The following PMP22 variants were observed in gnomAD, a reference collection of about 807,000 sequenced individuals.
The protein encoded by PMP22 is peripheral myelin protein 22, also known as Charcot-Marie-Tooth neuropathy 1A (greatly reduced nerve conduction velocity, hereditary motor sensory neuropathy Ia).
PMP22 carries 2 observed loss-of-function variants against 18.9 expected under a neutral mutation model. The observed-to-expected ratio is 0.11, with a 90% CI of 0.04 to 0.33. The LOEUF is 0.33. Among genes scored for constraint, PMP22 ranks in the 10% least tolerant of loss-of-function variants. The pLI, the probability that PMP22 is intolerant of heterozygous loss-of-function variation, is 1.00. For missense variants in PMP22, 169 were observed against 202.2 expected (o/e 0.84, Z 1.00); for synonymous variants, 95 against 89.2 (o/e 1.07, Z -0.37).
intron 3 of PMP22, among the ~76,000 whole-genome samples, chr17:15,254,803 C>CA (rs1182997514): frequency 2.0e-5 from 3 of 152,054 alleles, no homozygotes; most frequent in African/African-American, 7.2e-5. Flanking sequence ...ACTAAAAATA[C>CA]AAAAAATTAG....
Position 15,259,154 on chromosome 17 carries a change from GC to G in PMP22, c.117del (p.Trp39CysfsTer31), listed in dbSNP as rs1482355069. On this transcript the variant is annotated frameshift_variant, in exon 3 of 5. Transcript: ENST00000312280. LOFTEE classifies it high-confidence loss of function. The part of the protein sequence containing the change: ...IVGNGHATDL[W>X]QNCSTSSSGN... ...CCTGAGGAAGAGGTGCTACAGTTCT[GC>G]CAGAGATCAGTTGCGTGTCCATTGC... is the stretch of plus-strand genomic sequence containing the variant. 6.2e-7 allele frequency: 1 copy of G among 1,613,788 alleles called. No individual in the cohort carries two copies. The highest frequency in any genetic ancestry group is 8.5e-7 in the Non-Finnish European group (1 of 1,179,818).
intron 3 of PMP22, among the ~76,000 whole-genome samples, chr17:15,251,899 C>T (rs1417710031): frequency 6.6e-6 from 1 of 151,996 alleles, no homozygotes; most frequent in Non-Finnish European, 1.5e-5. Flanking sequence ...ACAGTTCAGA[C>T]ACAGGTTCAA....
At chr17:15,245,874 G>A (rs1281748699) in intron 3 of PMP22, among the ~76,000 whole-genome samples, 1 of 151,996 alleles carries the variant, frequency 6.6e-6, no homozygotes, top group Admixed American at 6.5e-5. Flanking sequence ...TTAGCCGGGC[G>A]TGGTGGCGGG....
rs1164852692 is a variant in PMP22, at chr17:15,259,085, C to G, written c.178+9G>C. On this transcript the variant is annotated intron_variant, in intron 3 of 4. Transcript: ENST00000312280. ...AGGACAAGCTCATGGAGCACAAAACCAGCCTCACCGTTTGGTGATGATGAG... is the reference window on the plus strand; with the variant it reads ...AGGACAAGCTCATGGAGCACAAAACGAGCCTCACCGTTTGGTGATGATGAG... 1.2e-6 allele frequency: 2 copies of G among 1,600,980 alleles called. No homozygotes were observed. The highest frequency in any genetic ancestry group is 2.2e-5 in the East Asian group (1 of 44,830).
intron 1 of PMP22, among the ~76,000 whole-genome samples, chr17:15,263,327 G>T (rs1909486052): frequency 6.6e-6 from 1 of 152,180 alleles, no homozygotes; most frequent in Admixed American, 6.5e-5. Flanking sequence ...CTGGCCATGG[G>T]GTTTGGCGGG....
intron 3 of PMP22, among the ~76,000 whole-genome samples, chr17:15,257,312 G>A (rs1019146019): frequency 5.9e-5 from 9 of 152,188 alleles, no homozygotes; most frequent in Admixed American, 3.9e-4. Flanking sequence ...TTTCTTTCCT[G>A]CAGATGGTTT....
rs919218318 is a variant in PMP22, at chr17:15,230,768, C to A, written c.*149G>T. 2.6e-6 allele frequency: 2 copies of A among 757,668 alleles called. No homozygotes were observed. The highest frequency in any genetic ancestry group is 4.5e-6 in the Non-Finnish European group (2 of 443,312). 46.9% of individuals were successfully genotyped at this position (757,668 alleles called of 1,614,324 possible). On this transcript the variant is annotated 3_prime_UTR_variant, in exon 5 of 5. Coordinates refer to ENST00000312280, the MANE Select transcript of PMP22 (RefSeq NM_000304.4). ...CGGAGATATTATATACATCTTCAATCAACAGCAACCCCCACCTCCACTGCT... is the reference window on the plus strand; with the variant it reads ...CGGAGATATTATATACATCTTCAATAAACAGCAACCCCCACCTCCACTGCT...
Position 15,259,149 on chromosome 17 carries a change from G to A in PMP22, c.123C>T (p.Asn41=). The A allele has an allele frequency of 6.2e-7, 1 of 1,614,076 alleles. No homozygotes were observed. Among genetic ancestry groups the A allele is most frequent in the Non-Finnish European group, 8.5e-7 (1 of 1,179,912 alleles). ...GNGHATDLWQ[N]CSTSSSGNVH... ...CATTTCCTGAGGAAGAGGTGCTACA[G>A]TTCTGCCAGAGATCAGTTGCGTGTC... Residue 41 remains asparagine (N), a synonymous_variant, in exon 3 of 5, where the codon AAC becomes AAT. Transcript: ENST00000312280.
chr17:15,263,186 G>A (rs1909478059), intron 1 of PMP22, among the ~76,000 whole-genome samples: 1 of 152,192 alleles, frequency 6.6e-6, no homozygotes, highest in Non-Finnish European at 1.5e-5. Flanking sequence ...GAAAAGTCCG[G>A]CCGACTACTG....
chr17:15,229,877 T>C lies in PMP22; in HGVS notation c.*1040A>G, dbSNP rs917428643. On this transcript the variant is annotated 3_prime_UTR_variant, in exon 5 of 5. Coordinates refer to ENST00000312280, the MANE Select transcript of PMP22 (RefSeq NM_000304.4). ...AAACAAAAGGTCTGGAGTCTTAGCA[T>C]CAGAAGGGCACCATATATACATCTA... 2.6e-5 allele frequency: 4 copies of C among 152,666 alleles called. No individual in the cohort carries two copies. The highest frequency in any genetic ancestry group is 5.9e-5 in the Non-Finnish European group (4 of 68,070). 9.5% of individuals were successfully genotyped at this position (152,666 alleles called of 1,614,324 possible).
In PMP22 at chr17:15,230,367, G is replaced by C. The variant is rs775055426; in HGVS notation, c.*550C>G. 6.8e-6 allele frequency: 1 copy of C among 147,432 alleles called. No individual in the cohort carries two copies. The highest frequency in any genetic ancestry group is 2.0e-4 in the East Asian group (1 of 5,068). The allele number at this position is 147,432 out of a possible 1,614,324, so 9.1% of individuals were successfully genotyped here. A position where few individuals can be genotyped will look rare whatever the true frequency, so the allele number is the denominator to read the frequency against. The stretch of plus-strand genomic sequence containing the variant: ...GGGCTCCAGTTTGGGCATTTTGTCC[G>C]TGTGCGCGTAAAGCTTCACACAGAG... On this transcript the variant is annotated 3_prime_UTR_variant, in exon 5 of 5. Transcript: ENST00000312280.
chr17:15,239,903 C>T (rs918225164), intron 3 of PMP22, among the ~76,000 whole-genome samples: 4 of 152,082 alleles, frequency 2.6e-5, no homozygotes, highest in Non-Finnish European at 5.9e-5. Context: ...ACATTACATA[C>T]ATATATACCT....
At chr17:15,260,314 ACTC>A in intron 2 of PMP22, 2 of 354,146 alleles carry the variant, frequency 5.6e-6, no homozygotes, top group South Asian at 3.0e-5. Context: ...AATCATAAAT[ACTC>A]CTCTTCTTCA....
rs546628793 is a variant in PMP22, at chr17:15,250,094, A to G, written c.178+9000T>C. On this transcript the variant is annotated intron_variant, in intron 3 of 4. Coordinates refer to ENST00000312280, the MANE Select transcript of PMP22 (RefSeq NM_000304.4). Reference sequence around the variant, plus strand: ...CCACGCCCGGCTAATTTTGTTTTGTATTTTTAGTAGAGACAGGGTTTCACC... The same window carrying G: ...CCACGCCCGGCTAATTTTGTTTTGTGTTTTTAGTAGAGACAGGGTTTCACC... 2.6e-5 allele frequency among the ~76,000 whole-genome samples: 4 copies of G among 152,130 alleles called. No individual in the cohort carries two copies. The East Asian group carries it at 5.8e-4, about 22-fold the overall frequency.
rs1213551466 is a variant in PMP22 at position 15,229,953 on chromosome 17, A to G, written c.*964T>C. ...GCCAGACAGTCCTTGGAGGCACAGA[A>G]CAGCCTAGACCCAGCCAAGCTCTAG... is the stretch of plus-strand genomic sequence containing the variant. On this transcript the variant is annotated 3_prime_UTR_variant, in exon 5 of 5. Transcript: ENST00000312280. 6.5e-6 allele frequency: 1 copy of G among 152,684 alleles called. No homozygotes were observed. The highest frequency in any genetic ancestry group is 1.5e-5 in the Non-Finnish European group (1 of 68,084). The allele number at this position is 152,684 out of a possible 1,614,324, so 9.5% of individuals were successfully genotyped here. A position where few individuals can be genotyped will look rare whatever the true frequency, so the allele number is the denominator to read the frequency against.
In PMP22 at chr17:15,231,058, C is replaced by T. The variant is rs201871607; in HGVS notation, c.342G>A (p.Ala114=). 52 of 1,613,646 alleles carry T rather than the reference C, an allele frequency of 3.2e-5. No homozygotes were observed. The Middle Eastern group carries it at 5.0e-4, about 16-fold the overall frequency. The part of the protein sequence containing the change: ...ILAGLCVMSA[A]AIYTVRHPEW... ...CCGGGTGCCTCACCGTGTAGATGGC[C>T]GCAGCACTCATCACGCACAGACCTG... is the stretch of plus-strand genomic sequence containing the variant. The change falls in exon 5 of 5, where the codon GCG becomes GCA. Residue 114 remains alanine (A), a synonymous_variant. Coordinates refer to ENST00000312280, the MANE Select transcript of PMP22 (RefSeq NM_000304.4).
chr17:15,239,956 A>G (rs937162844), intron 3 of PMP22, among the ~76,000 whole-genome samples: 5 of 152,240 alleles, frequency 3.3e-5, no homozygotes, highest in African/African-American at 1.2e-4. Context: ...GTTTCTATAT[A>G]TATGTGTATA....
intron 3 of PMP22, among the ~76,000 whole-genome samples, chr17:15,240,440 C>T (rs1907226884): frequency 7.5e-6 from 1 of 132,550 alleles, no homozygotes; most frequent in South Asian, 2.5e-4. Flanking sequence ...CAACTCTGAT[C>T]ATGGCCATTA....
At chr17:15,254,828 G>T (rs544015762) in intron 3 of PMP22, among the ~76,000 whole-genome samples, 1 of 152,114 alleles carries the variant, frequency 6.6e-6, no homozygotes, top group African/African-American at 2.4e-5. Flanking sequence ...GCGTGGTGGC[G>T]CATGCCTGTA....
Sources: allele counts gnomAD v4.1 joint callset (sites outside exome capture counted in the v4.1 genomes callset), GRCh38; gene constraint gnomAD v4.1.1; transcripts MANE v1.5; gene names NCBI Gene and HGNC (gene_info 2026-07-23, HGNC 2026-07-21).